The following ERICH1 variants were observed in gnomAD, a reference collection of about 807,000 sequenced individuals.
ERICH1 encodes the protein glutamate rich 1.
ERICH1 carries 56 observed loss-of-function variants against 39.6 expected under a neutral mutation model. The observed-to-expected ratio is 1.41, with a 90% CI of 1.14 to 1.77. ERICH1 has a LOEUF of 1.77. Among genes scored for constraint, ERICH1 ranks in the 40% most tolerant of loss-of-function variants. ERICH1 has a pLI of 0.00. For synonymous variants in ERICH1, 313 were observed against 223.6 expected (o/e 1.40, Z -3.57); for missense variants, 826 against 575.4 (o/e 1.44, Z -4.45).
intron 2 of ERICH1, among the ~76,000 whole-genome samples, chr8:701,638 CTA>C (rs1323791204): frequency 1.3e-5 from 2 of 152,126 alleles, no homozygotes; most frequent in Non-Finnish European, 2.9e-5. Context: ...CAAACACTGT[CTA>C]TGATACGTGT....
chr8:677,029 C>G (rs1166055547), intron 3 of ERICH1, among the ~76,000 whole-genome samples: 1 of 152,206 alleles, frequency 6.6e-6, no homozygotes, highest in African/African-American at 2.4e-5. Flanking sequence ...AAGCGGTTTC[C>G]TATTCTCCTC....
chr8:637,909 G>T (rs1011225636), intron 3 of ERICH1, among the ~76,000 whole-genome samples: 1 of 152,226 alleles, frequency 6.6e-6, no homozygotes, highest in African/African-American at 2.4e-5. Context: ...GCAGGCAGCC[G>T]AACAAAATGC....
intron 2 of ERICH1, among the ~76,000 whole-genome samples, chr8:713,710 G>C (rs567998816): frequency 2.0e-5 from 3 of 152,270 alleles, no homozygotes; most frequent in African/African-American, 4.8e-5. Context: ...GGTGATTTGT[G>C]GGATGACGAG....
intron 3 of ERICH1, among the ~76,000 whole-genome samples, chr8:656,283 C>G (rs542694775): frequency 3.3e-5 from 5 of 152,200 alleles, no homozygotes; most frequent in Non-Finnish European, 7.3e-5. Flanking sequence ...CAAAGCTGCT[C>G]CTCCCCTTCG....
chr8:693,937 G>C (rs1473545782), intron 2 of ERICH1, among the ~76,000 whole-genome samples: 1 of 152,212 alleles, frequency 6.6e-6, no homozygotes, highest in Non-Finnish European at 1.5e-5. Flanking sequence ...AGGTAGCAGG[G>C]CCACTTCCTC....
At position 692,361 on chromosome 8, in the gene ERICH1, A is replaced by G. The variant is rs532378709; in HGVS notation, c.304+117T>C. On this transcript the variant is annotated intron_variant, in intron 3 of 5. Coordinates refer to ENST00000262109, the MANE Select transcript of ERICH1 (RefSeq NM_207332.3). ...ATGTGGTTCATTATACAGTGTAACA[A>G]CATGCTCACCCACCCCCCAAGTATG... 3.4e-6 allele frequency: 5 copies of G among 1,453,838 alleles called. No homozygotes were observed. In the South Asian group the frequency reaches 6.6e-5, roughly 19 times the overall value. 90.1% of individuals were successfully genotyped at this position (1,453,838 alleles called of 1,614,324 possible).
intron 3 of ERICH1, among the ~76,000 whole-genome samples, chr8:619,823 C>T (rs747547147): frequency 1.3e-5 from 2 of 152,104 alleles, no homozygotes; most frequent in Non-Finnish European, 2.9e-5. Context: ...TTCTGTATTT[C>T]ACTGGTATTA....
chr8:717,558 G>A (rs975709286), intron 1 of ERICH1, among the ~76,000 whole-genome samples: 1 of 152,248 alleles, frequency 6.6e-6, no homozygotes, highest in African/African-American at 2.4e-5. Context: ...TGTGCCAGAT[G>A]ACCAAGCTGG....
In ERICH1 at chr8:646,716, C is replaced by T. The variant is rs552974478; in HGVS notation, c.976+21882G>A. Among the ~76,000 whole-genome samples, 24 of 68,916 alleles carry T rather than the reference C, an allele frequency of 3.5e-4. 10 individuals are homozygous for T. The highest frequency in any genetic ancestry group is 8.7e-4 in the African/African-American group (24 of 27,434). 45.2% of individuals were successfully genotyped at this position (68,916 alleles called of 152,430 possible). On this transcript the variant is annotated intron_variant, in intron 3 of 3. Coordinates refer to the ERICH1 transcript ENST00000522706. ...CATCAGAGCCCCGGCTTGCCCCAGC[C>T]TCCCCTGCACCTGCACTTGCTTGTC...
chr8:616,942 GGGAGAGGGAGACAGAGACACAC>G (rs1485261758), intron 3 of ERICH1, among the ~76,000 whole-genome samples: 11,847 of 52,490 alleles, frequency 0.23, 3,760 homozygotes, highest in East Asian at 0.8. Flanking sequence ...GAGAGAGAGA[GGGAGAGGGAGACAGAGACACAC>G]AGAGAGAGAG....
chr8:719,998 C>T (rs1194228849), intron 1 of ERICH1, among the ~76,000 whole-genome samples: 1 of 152,176 alleles, frequency 6.6e-6, no homozygotes, highest in Non-Finnish European at 1.5e-5. Flanking sequence ...TTTTCTCTGC[C>T]TAGGCCTGGA....
intron 3 of ERICH1, among the ~76,000 whole-genome samples, chr8:617,174 G>T (rs532457624): frequency 6.6e-6 from 1 of 152,088 alleles, no homozygotes; most frequent in Non-Finnish European, 1.5e-5. Flanking sequence ...GGGCACAGGC[G>T]GTGGGGACCA....
In ERICH1 at chr8:673,611, C is replaced by T. The variant is rs1803963139; in HGVS notation, c.741G>A (p.Gln247=). ...CCTCACTGGCGTCCGCACCCTCTTC[C>T]TGCCTGGCCCGTGTCAGGTCTTCCT... ...ASEEDLTRAR[Q]EEGADASEED... Residue 247 remains glutamine (Q), a synonymous_variant, in exon 4 of 6, where the codon CAG becomes CAA. Transcript: ENST00000262109. 2 of 1,550,398 alleles carry T rather than the reference C, an allele frequency of 1.3e-6. No individual in the cohort carries two copies. The highest frequency in any genetic ancestry group is 1.7e-5 in the Admixed American group (1 of 57,346).
chr8:716,256 C>A (rs556202668), intron 1 of ERICH1, among the ~76,000 whole-genome samples: 1 of 152,240 alleles, frequency 6.6e-6, no homozygotes, highest in African/African-American at 2.4e-5. Context: ...CTCTCCAGGG[C>A]ATCACCCTGC....
intron 3 of ERICH1, chr8:616,199 C>A: frequency 1.4e-5 from 3 of 212,156 alleles, no homozygotes; most frequent in African/African-American, 2.3e-5. Flanking sequence ...ATTCCGTAAC[C>A]TGAAAAGTGT....
Position 664,392 on chromosome 8 carries a change from A to G in ERICH1, c.*211T>C, listed in dbSNP as rs1801879001. The G allele has an allele frequency of 8.2e-7, 1 of 1,222,648 alleles. No individual in the cohort carries two copies. The allele number at this position is 1,222,648 out of a possible 1,614,324, so 75.7% of individuals were successfully genotyped here. On this transcript the variant is annotated 3_prime_UTR_variant, in exon 6 of 6. Transcript: ENST00000262109. Reference sequence around the variant, plus strand: ...TTTTATGTAGTAATTCAAGATATATATAATTGCAAATAAGTGAAAAATTTC... The same window carrying G: ...TTTTATGTAGTAATTCAAGATATATGTAATTGCAAATAAGTGAAAAATTTC...
At chr8:634,228 G>C (rs993858841) in intron 3 of ERICH1, among the ~76,000 whole-genome samples, 12 of 146,180 alleles carry the variant, frequency 8.2e-5, no homozygotes, top group African/African-American at 2.8e-4. Flanking sequence ...CAAAGGACTT[G>C]AATCAACATT....
chr8:685,721 A>G (rs974225363), intron 3 of ERICH1, among the ~76,000 whole-genome samples: 1 of 152,180 alleles, frequency 6.6e-6, no homozygotes, highest in Non-Finnish European at 1.5e-5. Context: ...CAATAGGGGC[A>G]TATTTTAGCA....
intron 4 of ERICH1, 128 bp from the exon 5 acceptor site, chr8:668,920 G>A (rs1042795374): frequency 1.2e-5 from 10 of 809,946 alleles, no homozygotes; most frequent in East Asian, 1.1e-4. Context: ...TCTGGGAGAT[G>A]AGAAGCTACC....
Sources: allele counts gnomAD v4.1 joint callset (sites outside exome capture counted in the v4.1 genomes callset), GRCh38; gene constraint gnomAD v4.1.1; transcripts MANE v1.5; gene names NCBI Gene and HGNC (gene_info 2026-07-23, HGNC 2026-07-21).